BANK1: variants seen among roughly 807,000 people sequenced by gnomAD.
The protein encoded by BANK1 is B-cell scaffold protein with ankyrin repeats.
A neutral mutation model predicts 94.5 loss-of-function variants in BANK1; 95 were observed. The ratio of observed to expected loss-of-function variants is 1.00; its 90% CI spans 0.85 to 1.19. The LOEUF (loss-of-function observed/expected upper bound fraction) is 1.19, where lower values mean the gene tolerates loss of function less well. Among genes scored for constraint, BANK1 ranks in the 50% most tolerant of loss-of-function variants. The pLI, the probability that BANK1 is intolerant of heterozygous loss-of-function variation, is 0.00. For missense variants in BANK1, 987 were observed against 932.2 expected (o/e 1.06, Z -0.77); for synonymous variants, 334 against 308.4 (o/e 1.08, Z -0.87).
intron 2 of BANK1, among the ~76,000 whole-genome samples, chr4:101,837,838 T>C (rs1435790710): frequency 6.6e-6 from 1 of 152,152 alleles, no homozygotes; most frequent in East Asian, 1.9e-4. Flanking sequence ...TTTTTAGCTG[T>C]GTTTGTAAAA....
intron 7 of BANK1, among the ~76,000 whole-genome samples, chr4:101,928,897 T>C (rs1050248314): frequency 6.6e-6 from 1 of 151,618 alleles, no homozygotes; most frequent in African/African-American, 2.4e-5. Context: ...TCTGGTTCCA[T>C]GTTCTCTGCC....
intron 7 of BANK1, among the ~76,000 whole-genome samples, chr4:101,992,515 A>T (rs1349976287): frequency 6.6e-6 from 1 of 152,186 alleles, no homozygotes; most frequent in Admixed American, 6.6e-5. Flanking sequence ...TTTAGACATA[A>T]GCGTGATGTG....
intron 2 of BANK1, among the ~76,000 whole-genome samples, chr4:101,850,657 G>A (rs1281427744): frequency 6.6e-6 from 1 of 152,118 alleles, no homozygotes; most frequent in African/African-American, 2.4e-5. Context: ...CTTTTGTTGA[G>A]CAAGTCTATT....
intron 1 of BANK1, among the ~76,000 whole-genome samples, chr4:101,825,930 T>C (rs1045993951): frequency 2.0e-5 from 3 of 152,208 alleles, no homozygotes; most frequent in Admixed American, 1.3e-4. Flanking sequence ...AGACAGGTTA[T>C]GATTGTCTCT....
intron 11 of BANK1, among the ~76,000 whole-genome samples, chr4:102,049,563 C>A (rs1727982042): frequency 6.6e-6 from 1 of 152,162 alleles, no homozygotes; most frequent in Admixed American, 6.5e-5. Flanking sequence ...TGTGTTGTTG[C>A]TCTCACTCTT....
intron 7 of BANK1, chr4:101,977,008 A>C (rs1249069088): frequency 6.6e-6 from 1 of 152,110 alleles, no homozygotes; most frequent in Non-Finnish European, 1.5e-5. Context: ...AGTCATCCAG[A>C]TTTTGTGCAT....
At chr4:101,814,362 T>A (rs972658328) in intron 1 of BANK1, among the ~76,000 whole-genome samples, 1 of 152,208 alleles carries the variant, frequency 6.6e-6, no homozygotes, top group African/African-American at 2.4e-5. Flanking sequence ...ATGCTTACTG[T>A]CTTTTTTCCA....
chr4:101,906,316 A>G (rs188618397), intron 6 of BANK1, among the ~76,000 whole-genome samples: 1 of 152,330 alleles, frequency 6.6e-6, no homozygotes, highest in African/African-American at 2.4e-5. Context: ...AAAGGCTCAA[A>G]TGTAGCTATA....
chr4:101,850,955 A>G (rs974685924), intron 2 of BANK1, among the ~76,000 whole-genome samples: 1 of 152,088 alleles, frequency 6.6e-6, no homozygotes, highest in East Asian at 1.9e-4. Context: ...GAGACAAAAC[A>G]CTATTGAAAT....
At chr4:101,840,596 AAGCCCATCCCTTTATTTC>A (rs1179829860) in intron 2 of BANK1, among the ~76,000 whole-genome samples, 2 of 152,204 alleles carry the variant, frequency 1.3e-5, no homozygotes, top group Non-Finnish European at 2.9e-5. Context: ...TAACTAGCCT[AAGCCCATCCCTTTATTTC>A]AGCCCATCCC....
At chr4:101,815,067 A>G (rs888238386) in intron 1 of BANK1, among the ~76,000 whole-genome samples, 5 of 152,104 alleles carry the variant, frequency 3.3e-5, no homozygotes, top group African/African-American at 9.7e-5. Flanking sequence ...GAAATCAAAT[A>G]TTGCCTTTGT....
intron 1 of BANK1, among the ~76,000 whole-genome samples, chr4:101,798,913 C>T (rs1725254233): frequency 6.6e-6 from 1 of 152,094 alleles, no homozygotes; most frequent in African/African-American, 2.4e-5. Context: ...CTGTAGGTTG[C>T]CTGTTCACTC....
intron 6 of BANK1, among the ~76,000 whole-genome samples, chr4:101,899,162 A>G (rs1201691581): frequency 6.6e-6 from 1 of 152,092 alleles, no homozygotes; most frequent in Non-Finnish European, 1.5e-5. Flanking sequence ...TAAAAGAAAA[A>G]AAAAATGGGC....
At chr4:101,860,992 A>G (rs917148029) in intron 3 of BANK1, among the ~76,000 whole-genome samples, 2 of 152,196 alleles carry the variant, frequency 1.3e-5, no homozygotes, top group African/African-American at 4.8e-5. Flanking sequence ...CAAAAGGAAC[A>G]AAAGAACTGT....
intron 2 of BANK1, among the ~76,000 whole-genome samples, chr4:101,845,499 A>G (rs1272022989): frequency 6.6e-6 from 1 of 152,184 alleles, no homozygotes; most frequent in African/African-American, 2.4e-5. Context: ...AGAGAAAACA[A>G]CTGAGATATT....
intron 1 of BANK1, among the ~76,000 whole-genome samples, chr4:101,814,660 G>T (rs192989253): frequency 2.0e-5 from 3 of 152,314 alleles, no homozygotes. Context: ...TAGATGATGT[G>T]AATTTAAGTC....
At chr4:101,935,252 G>A (rs1723490430) in intron 7 of BANK1, among the ~76,000 whole-genome samples, 1 of 151,484 alleles carries the variant, frequency 6.6e-6, no homozygotes, top group African/African-American at 2.4e-5. Flanking sequence ...AATTCTAAAA[G>A]CAAAGCAATG....
chr4:101,919,116 G>A (rs1329141838), intron 7 of BANK1, among the ~76,000 whole-genome samples: 1 of 151,860 alleles, frequency 6.6e-6, no homozygotes, highest in Non-Finnish European at 1.5e-5. Flanking sequence ...ACTGTATGCA[G>A]GCATTGAATA....
At chr4:102,009,382 A>C (rs1269892155) in intron 7 of BANK1, among the ~76,000 whole-genome samples, 1 of 152,170 alleles carries the variant, frequency 6.6e-6, no homozygotes, top group Admixed American at 6.5e-5. Flanking sequence ...TATTTTAATT[A>C]TGTTGCTTTG....
Sources: allele counts gnomAD v4.1 joint callset (sites outside exome capture counted in the v4.1 genomes callset), GRCh38; gene constraint gnomAD v4.1.1; transcripts MANE v1.5; gene names NCBI Gene and HGNC (gene_info 2026-07-23, HGNC 2026-07-21).